The following METTL21C variants were observed in gnomAD, a reference collection of about 807,000 sequenced individuals.
METTL21C encodes the protein methyltransferase 21C, AARS1 lysine.
METTL21C carries 21 observed loss-of-function variants against 25.9 expected under a neutral mutation model. That is an observed-to-expected ratio of 0.81 (90% CI 0.58 to 1.17). The LOEUF (loss-of-function observed/expected upper bound fraction) is 1.17. Ranked by LOEUF, METTL21C falls within the 50% of genes most tolerant of loss-of-function variation. METTL21C has a pLI of 0.00. For synonymous variants in METTL21C, 125 were observed against 124.7 expected, an observed-to-expected ratio of 1.00 and a Z score of -0.01; for missense variants, 312 against 315.1, an observed-to-expected ratio of 0.99 and a Z score of 0.07.
In METTL21C at chr13:102,690,760, C is replaced by T. The variant is rs151024936; in HGVS notation, c.282+53G>A. The stretch of plus-strand genomic sequence containing the variant: ...AATTGTCCAAGGCAACTCTGAAGTA[C>T]GGAATTGTTATCTCCAGAAATCCTG... On this transcript the variant is annotated intron_variant, in intron 2 of 3. Transcript: ENST00000267273. The T allele has an allele frequency of 2.0e-4, 320 of 1,588,332 alleles. 1 individual carries two copies. The East Asian group carries it at 5.1e-3, about 25-fold the overall frequency.
At chr13:102,690,464 G>A (rs184003651) in intron 2 of METTL21C, among the ~76,000 whole-genome samples, 3 of 151,452 alleles carry the variant, frequency 2.0e-5, no homozygotes, top group Admixed American at 1.3e-4. Context: ...GCTGAGGGTC[G>A]ATGGGCGTGG....
At chr13:102,697,642 A>C (rs771119793), upstream of METTL21C, among the ~76,000 whole-genome samples, 1 of 152,080 alleles carries the variant, frequency 6.6e-6, no homozygotes, top group Non-Finnish European at 1.5e-5. Flanking sequence ...AGGGATTAAC[A>C]CAGGACCAAC....
intron 2 of METTL21C, among the ~76,000 whole-genome samples, 170 bp downstream of exon 2, chr13:102,690,630 TGAAAGAAACACTG>T (rs1467043802): frequency 1.3e-4 from 20 of 152,040 alleles, no homozygotes; most frequent in Admixed American, 1.2e-3. Flanking sequence ...CCAGTGTTTC[TGAAAGAAACACTG>T]TTTTTGCTGA....
intron 1 of METTL21C, among the ~76,000 whole-genome samples, chr13:102,692,836 T>C (rs555175458): frequency 1.2e-4 from 19 of 152,118 alleles, no homozygotes; most frequent in Admixed American, 2.0e-4. Flanking sequence ...TGTAGGGAGA[T>C]TGTAGGGAAA....
At chr13:102,690,704 A>C in intron 2 of METTL21C, 109 bp downstream of exon 2, 1 of 1,334,370 alleles carries the variant, frequency 7.5e-7, no homozygotes, top group Non-Finnish European at 1.0e-6. Context: ...TGAACCTCAA[A>C]TTGAGAAGCA....
chr13:102,691,595 G>A (rs1245939301), intron 1 of METTL21C, among the ~76,000 whole-genome samples: 4 of 152,184 alleles, frequency 2.6e-5, no homozygotes, highest in African/African-American at 4.8e-5. Flanking sequence ...TGATCCACTC[G>A]TCCTGGCCTC....
upstream of METTL21C, among the ~76,000 whole-genome samples, chr13:102,695,078 T>G (rs966724): frequency 0.61 from 91,994 of 151,906 alleles, 28,378 homozygotes; most frequent in East Asian, 0.83. Flanking sequence ...GAAGTGGGTG[T>G]TGGACAGTTG....
chr13:102,699,122 G>A (rs550063908), upstream of METTL21C, among the ~76,000 whole-genome samples: 1 of 152,088 alleles, frequency 6.6e-6, no homozygotes, highest in African/African-American at 2.4e-5. Context: ...AGGGATGCAG[G>A]GCCATAACCC....
At chr13:102,698,870 G>C (rs1885988496), upstream of METTL21C, among the ~76,000 whole-genome samples, 1 of 152,170 alleles carries the variant, frequency 6.6e-6, no homozygotes, top group Non-Finnish European at 1.5e-5. Flanking sequence ...AGATATAAAG[G>C]GTCCAGGGCT....
At chr13:102,692,556 A>G (rs1220804094) in intron 1 of METTL21C, among the ~76,000 whole-genome samples, 2 of 148,034 alleles carry the variant, frequency 1.4e-5, no homozygotes, top group African/African-American at 4.8e-5. Flanking sequence ...CAAAAGTATC[A>G]GTGTGCAGCA....
rs1030458493 is a variant in METTL21C at position 102,686,212 on chromosome 13, A to G, written c.614T>C (p.Leu205Pro). 3 of 1,614,104 alleles carry G rather than the reference A, an allele frequency of 1.9e-6. No homozygotes were observed. The highest frequency in any genetic ancestry group is 2.5e-6 in the Non-Finnish European group (3 of 1,180,046). ...GGAAAGGTACACCATGGTGGTGAGC[A>G]GCTTGTCCAGGAAGTAGTGATGGTA... ...VVYHHYFLDK[L>P]LTTMVYLSQP... The change falls in exon 4 of 4, where the codon CTG (leucine) becomes CCG (proline). Residue 205 changes from leucine (L) to proline (P), a missense_variant. Physicochemically the swap from Leu to Pro is moderately conservative, Grantham distance 98. Transcript: ENST00000267273.
the METTL21C span, among the ~76,000 whole-genome samples, chr13:102,700,640 C>T: frequency 1.3e-5 from 2 of 152,188 alleles, no homozygotes; most frequent in South Asian, 2.1e-4. Flanking sequence ...ACTCTGGCAA[C>T]GACATTTATT....
At position 102,686,073 on chromosome 13, in the gene METTL21C, C is replaced by T. The variant is rs1190926020; in HGVS notation, c.753G>A (p.Glu251=). 6.2e-7 allele frequency: 1 copy of T among 1,605,900 alleles called. No homozygotes were observed. Among genetic ancestry groups the T allele is most frequent in the Non-Finnish European group, 8.5e-7 (1 of 1,174,776 alleles). ...FDTTLLAEYP[E]SSVKLFKGIL... The stretch of plus-strand genomic sequence containing the variant: ...TCCCCTTAAAAAGTTTGACTGATGA[C>T]TCTGGATATTCAGCCAACAGTGTTG... Residue 251 remains glutamate, a synonymous_variant, in exon 4 of 4, where the codon GAG becomes GAA. Coordinates refer to ENST00000267273, the MANE Select transcript of METTL21C (RefSeq NM_001010977.3).
At chr13:102,699,326 T>C (rs61965989), upstream of METTL21C, among the ~76,000 whole-genome samples, 18,120 of 152,160 alleles carry the variant, frequency 0.12, 1,446 homozygotes, top group Middle Eastern at 0.17. Context: ...CTCTAGATGA[T>C]GTCCATTTCT....
At chr13:102,703,907 C>T in the METTL21C span, among the ~76,000 whole-genome samples, 1 of 152,198 alleles carries the variant, frequency 6.6e-6, no homozygotes, top group African/African-American at 2.4e-5. Flanking sequence ...AAGACCTCTT[C>T]CCTATTCACT....
Position 102,685,907 on chromosome 13 carries a change from C to T in METTL21C, c.*124G>A. Reference sequence around the variant, plus strand: ...TTTCTGCAGTATTGTTACATTTGTTCCAAGTATACAAGTTGTTTCTATGCA... The same window carrying T: ...TTTCTGCAGTATTGTTACATTTGTTTCAAGTATACAAGTTGTTTCTATGCA... On this transcript the variant is annotated 3_prime_UTR_variant, in exon 4 of 4. Transcript: ENST00000267273. 1.1e-6 allele frequency: 1 copy of T among 874,370 alleles called. No homozygotes were observed. The highest frequency in any genetic ancestry group is 1.7e-6 in the Non-Finnish European group (1 of 594,354). 54.2% of individuals were successfully genotyped at this position (874,370 alleles called of 1,614,324 possible). A position where few individuals can be genotyped will look rare whatever the true frequency, so the allele number is the denominator to read the frequency against.
intron 1 of METTL21C, among the ~76,000 whole-genome samples, chr13:102,692,387 C>T (rs184908296): frequency 1.8e-4 from 28 of 152,304 alleles, no homozygotes; most frequent in African/African-American, 6.7e-4. Context: ...AACAGCTCCA[C>T]AGTAAGTAGA....
At chr13:102,700,411 C>A in the METTL21C span, among the ~76,000 whole-genome samples, 1 of 152,134 alleles carries the variant, frequency 6.6e-6, no homozygotes, top group Non-Finnish European at 1.5e-5. Flanking sequence ...ACAGATTTCC[C>A]CTCAAAGAAA....
chr13:102,690,386 A>G (rs183032063), intron 2 of METTL21C, among the ~76,000 whole-genome samples: 2 of 150,428 alleles, frequency 1.3e-5, no homozygotes, highest in East Asian at 3.9e-4. Flanking sequence ...GTGTCACTGC[A>G]CTCCAGCCTG....
Sources: allele counts gnomAD v4.1 joint callset (sites outside exome capture counted in the v4.1 genomes callset), GRCh38; gene constraint gnomAD v4.1.1; transcripts MANE v1.5; gene names NCBI Gene and HGNC (gene_info 2026-07-23, HGNC 2026-07-21).